SIPA1L1: variants seen among roughly 807,000 people sequenced by gnomAD.
The protein encoded by SIPA1L1 is signal-induced proliferation-associated 1-like protein 1.
Under a neutral mutation model 162.7 loss-of-function variants are expected in SIPA1L1, and 26 were observed. That is an observed-to-expected ratio of 0.16 (90% CI 0.12 to 0.22). The LOEUF is 0.22. Ranked by LOEUF, SIPA1L1 falls within the 10% of genes least tolerant of loss-of-function variation. The pLI, the probability that SIPA1L1 is intolerant of heterozygous loss-of-function variation, is 1.00. For missense variants in SIPA1L1, 1,874 were observed against 2,241.0 expected (o/e 0.84, Z 3.31); for synonymous variants, 829 against 837.4 (o/e 0.99, Z 0.17).
chr14:71,712,261 A>T (rs2082930095), intron 17 of SIPA1L1, among the ~76,000 whole-genome samples: 1 of 152,086 alleles, frequency 6.6e-6, no homozygotes, highest in Admixed American at 6.5e-5. Context: ...CCTCTTGATG[A>T]TCATGCAGAT....
At chr14:71,637,158 G>A (rs773820775) in intron 7 of SIPA1L1, among the ~76,000 whole-genome samples, 3 of 144,532 alleles carry the variant, frequency 2.1e-5, no homozygotes, top group South Asian at 4.7e-4. Context: ...ACACACACAC[G>A]CTAGATCTTT....
intron 4 of SIPA1L1, among the ~76,000 whole-genome samples, chr14:71,554,966 C>G (rs548755242): frequency 2.0e-5 from 3 of 152,168 alleles, no homozygotes; most frequent in Admixed American, 1.3e-4. Flanking sequence ...ACAACAATTT[C>G]ACTCTTCCAG....
intron 4 of SIPA1L1, among the ~76,000 whole-genome samples, chr14:71,534,857 T>A (rs2145513940): frequency 6.6e-6 from 1 of 152,382 alleles, no homozygotes; most frequent in East Asian, 1.9e-4. Context: ...GCCAAGATCC[T>A]GCATTCATTG....
intron 17 of SIPA1L1, among the ~76,000 whole-genome samples, chr14:71,715,157 C>T (rs1179257592): frequency 2.0e-5 from 3 of 152,232 alleles, no homozygotes; most frequent in Non-Finnish European, 2.9e-5. Context: ...GTATAGCTCT[C>T]TACCCCCAGG....
intron 16 of SIPA1L1, 27 bp from the exon 17 acceptor site, chr14:71,709,195 C>A: frequency 6.4e-7 from 1 of 1,571,758 alleles, no homozygotes; most frequent in Non-Finnish European, 8.7e-7. Context: ...AAACTTTGCA[C>A]TCAAATAAAT....
intron 4 of SIPA1L1, among the ~76,000 whole-genome samples, chr14:71,534,683 G>C (rs1351251808): frequency 2.6e-5 from 4 of 152,144 alleles, no homozygotes; most frequent in African/African-American, 9.7e-5. Context: ...TGTGTGCAGA[G>C]AGACCATCTG....
chr14:71,704,831 A>C (rs764971110), intron 15 of SIPA1L1: 2 of 1,300,462 alleles, frequency 1.5e-6, no homozygotes, highest in Non-Finnish European at 1.1e-6. Context: ...GATTGCATCC[A>C]TGCCTGTCTA....
chr14:71,578,975 A>C (rs113702332), intron 4 of SIPA1L1, among the ~76,000 whole-genome samples: 31 of 152,318 alleles, frequency 2.0e-4, no homozygotes, highest in Middle Eastern at 3.4e-3. Flanking sequence ...TCACCTGGAG[A>C]GGATTAGTTT....
chr14:71,468,005 G>GGCGT (rs372232012), intron 2 of SIPA1L1, among the ~76,000 whole-genome samples: 1 of 141,606 alleles, frequency 7.1e-6, no homozygotes, highest in Non-Finnish European at 1.5e-5. Context: ...CAGTTAGAGG[G>GGCGT]GTGTGTGTGT....
At chr14:71,341,642 C>T (rs2035663805) in intron 2 of SIPA1L1, among the ~76,000 whole-genome samples, 1 of 152,108 alleles carries the variant, frequency 6.6e-6, no homozygotes. Context: ...TTTTTCAACT[C>T]ATCCCTCCCT....
intron 2 of SIPA1L1, among the ~76,000 whole-genome samples, chr14:71,487,173 C>T (rs145645215): frequency 2.0e-4 from 31 of 152,298 alleles, no homozygotes; most frequent in Admixed American, 3.3e-4. Flanking sequence ...TCAGGTTTCA[C>T]GTCTTCTGCT....
intron 2 of SIPA1L1, among the ~76,000 whole-genome samples, chr14:71,368,160 C>CTTTTTTTTTTTTTTTT (rs957469281): frequency 9.9e-6 from 1 of 100,888 alleles, no homozygotes; most frequent in African/African-American, 3.7e-5. Flanking sequence ...TTTTTTCTTT[C>CTTTTTTTTTTTTTTTT]TTTTTTTTTT....
At chr14:71,736,158 G>A (rs957436028) in intron 22 of SIPA1L1, among the ~76,000 whole-genome samples, 1 of 152,224 alleles carries the variant, frequency 6.6e-6, no homozygotes, top group Non-Finnish European at 1.5e-5. Context: ...CACTTCGGGA[G>A]GCCAAGGCGG....
At chr14:71,573,271 T>C (rs2032417991) in intron 4 of SIPA1L1, among the ~76,000 whole-genome samples, 1 of 152,246 alleles carries the variant, frequency 6.6e-6, no homozygotes, top group African/African-American at 2.4e-5. Flanking sequence ...TGGACAATTA[T>C]TACAGATTGT....
chr14:71,651,721 A>G (rs930413480), intron 8 of SIPA1L1, among the ~76,000 whole-genome samples: 1 of 152,242 alleles, frequency 6.6e-6, no homozygotes. Flanking sequence ...CAGTGATACT[A>G]TAAATGAATG....
chr14:71,446,894 G>GTTTTTTGTTTTT (rs2045396968), intron 2 of SIPA1L1, among the ~76,000 whole-genome samples: 1 of 87,404 alleles, frequency 1.1e-5, no homozygotes, highest in Non-Finnish European at 2.1e-5. Flanking sequence ...GATGGGCTCT[G>GTTTTTTGTTTTT]TTTTTTTTTT....
At chr14:71,473,929 C>G (rs941244161) in intron 2 of SIPA1L1, among the ~76,000 whole-genome samples, 8 of 152,136 alleles carry the variant, frequency 5.3e-5, no homozygotes, top group African/African-American at 1.2e-4. Flanking sequence ...AACTGGGAAC[C>G]TTGCTCATGT....
intron 2 of SIPA1L1, among the ~76,000 whole-genome samples, chr14:71,382,530 G>T (rs1333002356): frequency 6.6e-6 from 1 of 152,202 alleles, no homozygotes; most frequent in African/African-American, 2.4e-5. Flanking sequence ...GTAGCAGTCC[G>T]AAGGTGACTC....
rs1555433708 is a variant in SIPA1L1, at chr14:71,479,336, G to GGTATGTGTGTAT, written c.-464-33401_-464-33400insGTGTATGTATGT. ...CTTTTTCCATGTGTGTGTGTATGTAGGTATGTATGTATGTATGTATGTATG... is the reference window on the plus strand; with the variant it reads ...CTTTTTCCATGTGTGTGTGTATGTAGGTATGTGTGTATGTATGTATGTATGTATGTATGTATG... On this transcript the variant is annotated intron_variant, in intron 2 of 23. Transcript: ENST00000381232. 8.1e-5 allele frequency among the ~76,000 whole-genome samples: 12 copies of GGTATGTGTGTAT among 148,332 alleles called. No individual in the cohort carries two copies. In the East Asian group the frequency reaches 2.2e-3, roughly 27 times the overall value.
Sources: allele counts gnomAD v4.1 joint callset (sites outside exome capture counted in the v4.1 genomes callset), GRCh38; gene constraint gnomAD v4.1.1; transcripts MANE v1.5; gene names NCBI Gene and HGNC (gene_info 2026-07-23, HGNC 2026-07-21).